BMPR1B: variants seen among roughly 807,000 people sequenced by gnomAD.
BMPR1B encodes the protein bone morphogenetic protein receptor type-1B.
Under a neutral mutation model 59.1 loss-of-function variants are expected in BMPR1B, and 12 were observed. The observed-to-expected ratio is 0.20, with a 90% CI of 0.13 to 0.33. The LOEUF (loss-of-function observed/expected upper bound fraction) is 0.33, where lower values mean the gene tolerates loss of function less well. Ranked by LOEUF, BMPR1B falls within the 10% of genes least tolerant of loss-of-function variation. The probability of loss-of-function intolerance (pLI) is 1.00; values close to 1 mark genes in which losing one functional copy is unlikely to be tolerated. For missense variants in BMPR1B, 550 were observed against 610.9 expected (o/e 0.90, Z 1.05); for synonymous variants, 237 against 207.3 (o/e 1.14, Z -1.23).
At chr4:94,844,326 T>C (rs1725232293) in intron 1 of BMPR1B, among the ~76,000 whole-genome samples, 1 of 151,778 alleles carries the variant, frequency 6.6e-6, no homozygotes. Context: ...CTGTTACAGA[T>C]ACAAGAAACA....
intron 3 of BMPR1B, among the ~76,000 whole-genome samples, chr4:95,002,246 T>C (rs1292379168): frequency 1.3e-5 from 2 of 152,232 alleles, no homozygotes; most frequent in Admixed American, 1.3e-4. Context: ...TTTGGTTTTG[T>C]GTTCCTATAT....
intron 7 of BMPR1B, among the ~76,000 whole-genome samples, chr4:95,124,378 T>C (rs1004507035): frequency 2.0e-5 from 3 of 152,206 alleles, no homozygotes; most frequent in South Asian, 4.2e-4. Context: ...TATGAACTTA[T>C]GTTCTAGATT....
chr4:95,111,524 G>A (rs2149273776), intron 4 of BMPR1B, among the ~76,000 whole-genome samples: 1 of 152,138 alleles, frequency 6.6e-6, no homozygotes, highest in South Asian at 2.1e-4. Flanking sequence ...TGAATGAGTT[G>A]GGTTCCAGAA....
At chr4:94,825,231 G>A (rs911241065) in intron 1 of BMPR1B, among the ~76,000 whole-genome samples, 45 of 152,270 alleles carry the variant, frequency 3.0e-4, no homozygotes, top group African/African-American at 1.0e-3. Flanking sequence ...TACTGGGTGT[G>A]GTAGCTCATG....
intron 2 of BMPR1B, among the ~76,000 whole-genome samples, chr4:94,887,753 G>T (rs1727239875): frequency 6.6e-6 from 1 of 151,968 alleles, no homozygotes; most frequent in Non-Finnish European, 1.5e-5. Flanking sequence ...GGTGGAAATG[G>T]AAGACTGGCA....
At chr4:94,962,489 C>T (rs957144264) in intron 2 of BMPR1B, among the ~76,000 whole-genome samples, 1 of 152,000 alleles carries the variant, frequency 6.6e-6, no homozygotes, top group African/African-American at 2.4e-5. Context: ...TCTCCGCTAC[C>T]CTTGCTAGCT....
chr4:94,811,914 A>G (rs974575047), intron 1 of BMPR1B, among the ~76,000 whole-genome samples: 1 of 152,202 alleles, frequency 6.6e-6, no homozygotes, highest in Non-Finnish European at 1.5e-5. Flanking sequence ...TTTATTTTTC[A>G]TAGAATTTAT....
At chr4:94,833,400 C>A (rs1371188955) in intron 1 of BMPR1B, among the ~76,000 whole-genome samples, 3 of 152,152 alleles carry the variant, frequency 2.0e-5, no homozygotes, top group Non-Finnish European at 4.4e-5. Flanking sequence ...TAACAAGACC[C>A]ATAAAGTAAC....
At chr4:94,806,280 C>A (rs1352651195) in intron 1 of BMPR1B, among the ~76,000 whole-genome samples, 1 of 152,130 alleles carries the variant, frequency 6.6e-6, no homozygotes, top group Admixed American at 6.5e-5. Context: ...ATGTCAGGCC[C>A]AGAATTCACA....
chr4:95,024,617 G>T lies in BMPR1B; in HGVS notation c.-18+28483G>T, dbSNP rs371644897. Among the ~76,000 whole-genome samples, 11 of 152,260 alleles carry T rather than the reference G, an allele frequency of 7.2e-5. No individual in the cohort carries two copies. In the East Asian group the frequency reaches 2.1e-3, roughly 29 times the overall value. ...TATCAATTATGCCAGTCACAGTATA[G>T]ATGCTTGCGACATTGTTGTGAACAT... is the stretch of plus-strand genomic sequence containing the variant. On this transcript the variant is annotated intron_variant, in intron 3 of 12. Coordinates refer to ENST00000515059, the MANE Select transcript of BMPR1B (RefSeq NM_001203.3).
At chr4:95,106,416 A>G (rs1177631921) in intron 4 of BMPR1B, among the ~76,000 whole-genome samples, 1 of 152,072 alleles carries the variant, frequency 6.6e-6, no homozygotes, top group African/African-American at 2.4e-5. Flanking sequence ...AAATCAGTTC[A>G]TGTGCAAGAA....
At position 94,875,910 on chromosome 4, in the gene BMPR1B, T is replaced by C. The variant is rs571345881; in HGVS notation, c.-113+10T>C. The C allele has an allele frequency of 1.3e-5, 2 of 152,768 alleles. No homozygotes were observed. The highest frequency in any genetic ancestry group is 3.9e-4 in the East Asian group (2 of 5,188). The allele number at this position is 152,768 out of a possible 1,614,324, so 9.5% of individuals were successfully genotyped here. On this transcript the variant is annotated intron_variant, in intron 2 of 12. Coordinates refer to ENST00000515059, the MANE Select transcript of BMPR1B (RefSeq NM_001203.3). ...TGCCTTGTTGATAAAGGTAAGTTCA[T>C]AGTAATTATTAAATAATTTGAGATG...
At chr4:94,964,289 C>T (rs572342236) in intron 2 of BMPR1B, among the ~76,000 whole-genome samples, 1 of 152,238 alleles carries the variant, frequency 6.6e-6, no homozygotes, top group Non-Finnish European at 1.5e-5. Context: ...CTTCCTCCTT[C>T]ACAATTTGTA....
chr4:95,009,871 GA>G (rs1246240359), intron 3 of BMPR1B, among the ~76,000 whole-genome samples: 3 of 152,168 alleles, frequency 2.0e-5, no homozygotes, highest in Non-Finnish European at 4.4e-5. Context: ...ATCTTTCACT[GA>G]AGAGGAGTTC....
chr4:94,975,458 G>T (rs903339342), intron 2 of BMPR1B, among the ~76,000 whole-genome samples: 1 of 146,352 alleles, frequency 6.8e-6, no homozygotes, highest in African/African-American at 2.5e-5. Flanking sequence ...CCCTTCCTGG[G>T]CTCAGGTGAT....
intron 2 of BMPR1B, among the ~76,000 whole-genome samples, chr4:94,942,832 T>C (rs1411569507): frequency 3.9e-5 from 6 of 152,256 alleles, no homozygotes; most frequent in Non-Finnish European, 7.3e-5. Context: ...TGATTTTCTT[T>C]GTAGCACTGT....
At chr4:95,024,181 A>G (rs1224946546) in intron 3 of BMPR1B, among the ~76,000 whole-genome samples, 1 of 152,222 alleles carries the variant, frequency 6.6e-6, no homozygotes, top group Non-Finnish European at 1.5e-5. Context: ...TAGCTAATAT[A>G]TTGGAATCTC....
intron 1 of BMPR1B, among the ~76,000 whole-genome samples, chr4:94,836,533 T>C (rs1724827013): frequency 2.7e-5 from 4 of 146,830 alleles, no homozygotes; most frequent in Non-Finnish European, 6.0e-5. Flanking sequence ...TTTTCATGTG[T>C]TTTTTGGCTG....
At chr4:95,141,596 A>C (rs1484707097) in intron 10 of BMPR1B, among the ~76,000 whole-genome samples, 1 of 152,230 alleles carries the variant, frequency 6.6e-6, no homozygotes, top group Non-Finnish European at 1.5e-5. Context: ...AATTTAATCC[A>C]GGTGATGTGC....
Sources: allele counts gnomAD v4.1 joint callset (sites outside exome capture counted in the v4.1 genomes callset), GRCh38; gene constraint gnomAD v4.1.1; transcripts MANE v1.5; gene names NCBI Gene and HGNC (gene_info 2026-07-23, HGNC 2026-07-21).